The following GALNTL6 variants were observed in gnomAD, a reference collection of about 807,000 sequenced individuals.
GALNTL6 encodes polypeptide N-acetylgalactosaminyltransferase like 6, also known as polypeptide N-acetylgalactosaminyltransferase-like 6.
In GALNTL6, 46 loss-of-function variants were observed where a neutral mutation model predicts 73.7. That is an observed-to-expected ratio of 0.62 (90% CI 0.49 to 0.80). GALNTL6 has a LOEUF of 0.80. Ranked by LOEUF, GALNTL6 falls within the 30% of genes least tolerant of loss-of-function variation. GALNTL6 has a pLI of 0.00. For synonymous variants in GALNTL6, 259 were observed against 263.7 expected (o/e 0.98, Z 0.17); for missense variants, 604 against 755.0 (o/e 0.80, Z 2.34).
At chr4:172,205,731 C>A (rs1736090394) in intron 2 of GALNTL6, among the ~76,000 whole-genome samples, 1 of 152,214 alleles carries the variant, frequency 6.6e-6, no homozygotes, top group Admixed American at 6.5e-5. Flanking sequence ...CTTCCTATTT[C>A]CAGTCCCATT....
chr4:172,452,489 A>G (rs1000394298), intron 5 of GALNTL6, among the ~76,000 whole-genome samples: 4 of 152,156 alleles, frequency 2.6e-5, no homozygotes, highest in African/African-American at 9.7e-5. Context: ...TCTGTACTAT[A>G]TGTTTTATAA....
At chr4:171,826,773 CAGCTTTTGGAAGACAGAAA>C (rs984234555) in intron 2 of GALNTL6, among the ~76,000 whole-genome samples, 12 of 151,962 alleles carry the variant, frequency 7.9e-5, no homozygotes, top group African/African-American at 2.9e-4. Flanking sequence ...TTGGAAAAAG[CAGCTTTTGGAAGACAGAAA>C]AGAGAGTAGA....
intron 5 of GALNTL6, among the ~76,000 whole-genome samples, chr4:172,497,763 G>A (rs1483939368): frequency 1.3e-5 from 2 of 152,080 alleles, no homozygotes; most frequent in African/African-American, 4.8e-5. Context: ...ATATTCTCTG[G>A]TAGTGCAGAA....
chr4:172,332,637 A>T lies in GALNTL6; in HGVS notation c.387-15886A>T, dbSNP rs574237328. Among the ~76,000 whole-genome samples, 529 of 151,600 alleles carry T rather than the reference A, an allele frequency of 3.5e-3. 2 individuals carry two copies. The highest frequency in any genetic ancestry group is 0.012 in the African/African-American group (492 of 41,346). ...GTGTTGGTGCAAATGACATGATTTTATTTTTTTCTGGCTGAAAAATATTTC... is the reference window on the plus strand; with the variant it reads ...GTGTTGGTGCAAATGACATGATTTTTTTTTTTTCTGGCTGAAAAATATTTC... On this transcript the variant is annotated intron_variant, in intron 4 of 12. Transcript: ENST00000506823.
At chr4:171,943,922 A>ACCT (rs6148785) in intron 2 of GALNTL6, among the ~76,000 whole-genome samples, 109,447 of 151,468 alleles carry the variant, frequency 0.72, 40,588 homozygotes, top group Admixed American at 0.84. Context: ...AATTTTCTTA[A>ACCT]GTTAAGTGAA....
In GALNTL6 at chr4:172,861,695, G is replaced by T. The variant is rs181108590; in HGVS notation, c.924-21095G>T. On this transcript the variant is annotated intron_variant, in intron 7 of 12. Transcript: ENST00000506823. ...GGGAGGTAATTGAATCATGGAGGTG[G>T]TTCTTTCCCATGCTGTTCTCATGAT... 2.2e-4 allele frequency among the ~76,000 whole-genome samples: 34 copies of T among 152,284 alleles called. No homozygotes were observed. The East Asian group carries it at 6.4e-3, about 29-fold the overall frequency.
intron 5 of GALNTL6, among the ~76,000 whole-genome samples, chr4:172,525,783 A>G (rs551611101): frequency 6.6e-6 from 1 of 152,284 alleles, no homozygotes; most frequent in East Asian, 1.9e-4. Flanking sequence ...GGATGGCTTA[A>G]GCCCAGAAGT....
chr4:172,410,272 C>G (rs1744382524), intron 5 of GALNTL6, among the ~76,000 whole-genome samples: 2 of 151,384 alleles, frequency 1.3e-5, no homozygotes, highest in Admixed American at 1.3e-4. Context: ...TAAAATTTAC[C>G]ATCTTAACCA....
chr4:172,711,690 A>T (rs1168430884), intron 5 of GALNTL6, among the ~76,000 whole-genome samples: 1 of 152,184 alleles, frequency 6.6e-6, no homozygotes, highest in Non-Finnish European at 1.5e-5. Context: ...ACACGAACAC[A>T]TTAGATTTCC....
In GALNTL6 at chr4:172,067,987, C is replaced by T. The variant is rs888665060; in HGVS notation, c.139-161669C>T. ...GGGTGGGGGTGTTAGTATGGTAATG[C>T]TGAGTTCACCAAAGTTTATCTCCAA... On this transcript the variant is annotated intron_variant, in intron 2 of 12. Transcript: ENST00000506823. 3.7e-5 allele frequency among the ~76,000 whole-genome samples: 4 copies of T among 109,348 alleles called. 1 individual carries two copies. Among genetic ancestry groups the T allele is most frequent in the East Asian group, 2.1e-4 (1 of 4,706 alleles). 71.7% of individuals were successfully genotyped at this position (109,348 alleles called of 152,430 possible).
intron 12 of GALNTL6, among the ~76,000 whole-genome samples, chr4:173,034,805 T>C (rs1013528983): frequency 6.6e-6 from 1 of 152,116 alleles, no homozygotes; most frequent in Non-Finnish European, 1.5e-5. Context: ...ACTATGTTCA[T>C]TGCTCATTGT....
intron 2 of GALNTL6, among the ~76,000 whole-genome samples, chr4:172,131,105 C>A (rs993718844): frequency 4.0e-5 from 6 of 151,798 alleles, no homozygotes; most frequent in African/African-American, 1.4e-4. Context: ...ATTTTTACAA[C>A]CTTTGGGCTT....
chr4:171,925,046 C>T (rs373157990), intron 2 of GALNTL6, among the ~76,000 whole-genome samples: 4 of 152,172 alleles, frequency 2.6e-5, no homozygotes, highest in Admixed American at 6.5e-5. Flanking sequence ...GAATGAAATG[C>T]GCAGGAAAAC....
chr4:171,928,179 T>C (rs1738051763), intron 2 of GALNTL6, among the ~76,000 whole-genome samples: 1 of 152,220 alleles, frequency 6.6e-6, no homozygotes, highest in Non-Finnish European at 1.5e-5. Context: ...TAAAATATTA[T>C]ATATGTGAGA....
At chr4:171,825,699 C>T (rs1425423689) in intron 2 of GALNTL6, among the ~76,000 whole-genome samples, 2 of 152,146 alleles carry the variant, frequency 1.3e-5, no homozygotes, top group African/African-American at 2.4e-5. Context: ...CTTCTCTCCT[C>T]TTCCCAACTT....
At chr4:172,096,187 T>A (rs1399451467) in intron 2 of GALNTL6, among the ~76,000 whole-genome samples, 1 of 151,916 alleles carries the variant, frequency 6.6e-6, no homozygotes, top group East Asian at 1.9e-4. Context: ...CACTGCAGCC[T>A]TGAACTCCTA....
At chr4:172,268,175 A>G (rs764887171) in intron 3 of GALNTL6, among the ~76,000 whole-genome samples, 1 of 152,210 alleles carries the variant, frequency 6.6e-6, no homozygotes, top group African/African-American at 2.4e-5. Flanking sequence ...TAAGTCTGCT[A>G]TGTTATTGCC....
intron 2 of GALNTL6, among the ~76,000 whole-genome samples, chr4:171,943,865 A>G (rs1560852365): frequency 6.6e-6 from 1 of 151,880 alleles, no homozygotes; most frequent in East Asian, 1.9e-4. Flanking sequence ...AAGGTAAGCT[A>G]TTTTTGACAA....
chr4:172,334,943 A>G (rs1178851627), intron 4 of GALNTL6, among the ~76,000 whole-genome samples: 2 of 150,530 alleles, frequency 1.3e-5, no homozygotes, highest in Non-Finnish European at 3.0e-5. Flanking sequence ...GTTGAATTTT[A>G]TCAAAACCTT....
Sources: gnomAD v4.1 joint callset for allele counts (sites outside exome capture counted in the v4.1 genomes callset) on GRCh38, gnomAD v4.1.1 for gene constraint, MANE v1.5 for transcripts, NCBI Gene and HGNC (gene_info 2026-07-23, HGNC 2026-07-21) for gene names.